Variants in DPM2 observed in about 807,000 individuals in gnomAD.
DPM2 encodes the protein dolichol phosphate-mannose biosynthesis regulatory protein.
In DPM2, 8 loss-of-function variants were observed where a neutral mutation model predicts 12.1. The ratio of observed to expected loss-of-function variants is 0.66; its 90% CI spans 0.39 to 1.19. The LOEUF is 1.19. Ranked by LOEUF, DPM2 falls within the 50% of genes most tolerant of loss-of-function variation. DPM2 has a pLI of 0.01. For missense variants in DPM2, 93 were observed against 102.5 expected, an observed-to-expected ratio of 0.91 and a Z score of 0.40; for synonymous variants, 38 against 44.7, an observed-to-expected ratio of 0.85 and a Z score of 0.60.
intron 3 of DPM2, chr9:127,936,128 C>T: frequency 2.9e-6 from 2 of 699,354 alleles, no homozygotes; most frequent in Non-Finnish European, 4.6e-6. Flanking sequence ...CATCCATCCA[C>T]CCATCATCCA....
intron 3 of DPM2, 54 bp downstream of exon 3, chr9:127,936,499 G>A (rs757028593): frequency 6.2e-7 from 1 of 1,606,756 alleles, no homozygotes; most frequent in Non-Finnish European, 8.5e-7. Context: ...ATGTTCAGAG[G>A]TGGGGTCTTC....
chr9:127,937,401 G>A, intron 2 of DPM2, 33 bp downstream of exon 2: 2 of 1,569,298 alleles, frequency 1.3e-6, no homozygotes, highest in South Asian at 2.3e-5. Flanking sequence ...AGGGCTCGGG[G>A]AAGGTGAGCA....
chr9:127,936,527 G>A (rs1297234933), intron 3 of DPM2, 26 bp downstream of exon 3: 1 of 1,602,464 alleles, frequency 6.2e-7, no homozygotes, highest in South Asian at 1.1e-5. Flanking sequence ...CCTGCCCAGG[G>A]TCAAGGGGAG....
intron 3 of DPM2, 116 bp from the exon 4 acceptor site, chr9:127,935,896 C>T: frequency 1.1e-6 from 1 of 936,998 alleles, no homozygotes; most frequent in Non-Finnish European, 1.7e-6. Flanking sequence ...CCCAACCATC[C>T]TCCAGGGAAC....
chr9:127,935,197 C>T lies in DPM2; in HGVS notation c.*525G>A. The stretch of plus-strand genomic sequence containing the variant: ...GAGGAGAGGTCAGTCGGTCAGCGGC[C>T]CGGGGTGGCTGCCCTGAGCCCCAGG... On this transcript the variant is annotated 3_prime_UTR_variant, in exon 4 of 4. Coordinates refer to ENST00000314392, the MANE Select transcript of DPM2 (RefSeq NM_003863.4). 5.8e-6 allele frequency: 1 copy of T among 171,674 alleles called. No homozygotes were observed. Among genetic ancestry groups the T allele is most frequent in the Non-Finnish European group, 1.2e-5 (1 of 81,064 alleles). 10.6% of individuals were successfully genotyped at this position (171,674 alleles called of 1,614,324 possible). A position where few individuals can be genotyped will look rare whatever the true frequency, so the allele number is the denominator to read the frequency against.
intron 2 of DPM2, chr9:127,936,976 G>T (rs1161469862): frequency 6.0e-6 from 2 of 335,634 alleles, no homozygotes; most frequent in Non-Finnish European, 1.1e-5. Flanking sequence ...CCCAACCTGG[G>T]CCTCCAGGGC....
Position 127,936,582 on chromosome 9 carries a change from G to A in DPM2, c.167C>T (p.Ala56Val), listed in dbSNP as rs763758658. 14 of 1,569,906 alleles carry A rather than the reference G, an allele frequency of 8.9e-6. No homozygotes were observed. The highest frequency in any genetic ancestry group is 1.7e-4 in the Middle Eastern group (1 of 5,878). The change falls in exon 3 of 4, where the codon GCT (alanine) becomes GTT (valine). Residue 56 changes from alanine to valine, a missense_variant. Physicochemically the swap from Ala to Val is moderately conservative, Grantham distance 64. Coordinates refer to ENST00000314392, the MANE Select transcript of DPM2 (RefSeq NM_003863.4). ...AAACAGGAGCAGCAGGAGGCCTGCA[G>A]CCAGTGGGATGGCGACAGCATAGGC... ...PRAYAVAIPL[A>V]AGLLLLLFVG...
At chr9:127,936,448 T>C (rs1352539802) in intron 3 of DPM2, 105 bp downstream of exon 3, 2 of 1,608,810 alleles carry the variant, frequency 1.2e-6, no homozygotes, top group Non-Finnish European at 8.5e-7. Flanking sequence ...CACGGGTGAG[T>C]TCGGGGCAAG....
intron 1 of DPM2, 68 bp from the exon 2 acceptor site, chr9:127,937,591 G>C: frequency 7.2e-7 from 1 of 1,389,080 alleles, no homozygotes; most frequent in Non-Finnish European, 1.0e-6. Flanking sequence ...GAAGCGGGGC[G>C]TCGCGGCCCG....
rs377060098 is a variant in DPM2 at position 127,936,583 on chromosome 9, C to A, written c.166G>T (p.Ala56Ser). The A allele has an allele frequency of 8.9e-6, 14 of 1,566,632 alleles. No homozygotes were observed. Among genetic ancestry groups the A allele is most frequent in the Middle Eastern group, 1.7e-4 (1 of 5,864 alleles). ...AACAGGAGCAGCAGGAGGCCTGCAG[C>A]CAGTGGGATGGCGACAGCATAGGCT... ...PRAYAVAIPL[A>S]AGLLLLLFVG... is the part of the protein sequence containing the mutation. Residue 56 changes from alanine to serine, a missense_variant, in exon 3 of 4, where the codon GCT (alanine) becomes TCT (serine). Ala to Ser is a moderately conservative substitution (Grantham distance 99). Coordinates refer to ENST00000314392, the MANE Select transcript of DPM2 (RefSeq NM_003863.4).
In DPM2 at chr9:127,937,828, C is replaced by G. The variant is rs1162404364; in HGVS notation, c.-8G>C. The stretch of plus-strand genomic sequence containing the variant: ...CGGTGCCAATCTCACCATTTCCCCG[C>G]GCGCTCAGCCACCCGAGCCGCAAGC... On this transcript the variant is annotated 5_prime_UTR_variant, in exon 1 of 4. Coordinates refer to ENST00000314392, the MANE Select transcript of DPM2 (RefSeq NM_003863.4). 2 of 1,601,128 alleles carry G rather than the reference C, an allele frequency of 1.2e-6. No individual in the cohort carries two copies. Among genetic ancestry groups the G allele is most frequent in the Admixed American group, 1.7e-5 (1 of 59,028 alleles).
At chr9:127,937,608 G>T in intron 1 of DPM2, 85 bp from the exon 2 acceptor site, 2 of 1,313,618 alleles carry the variant, frequency 1.5e-6, no homozygotes, top group Non-Finnish European at 2.2e-6. Context: ...CCCGATCACG[G>T]TCTAAGCTTC....
rs1455526472 is a variant in DPM2 at position 127,935,389 on chromosome 9, A to T, written c.*333T>A. On this transcript the variant is annotated 3_prime_UTR_variant, in exon 4 of 4. Coordinates refer to ENST00000314392, the MANE Select transcript of DPM2 (RefSeq NM_003863.4). Reference sequence around the variant, plus strand: ...CTGCTAAGTCCAACGTCAGCATGTGACAGGAGGGGAAGTGAGGCAAGACGG... The same window carrying T: ...CTGCTAAGTCCAACGTCAGCATGTGTCAGGAGGGGAAGTGAGGCAAGACGG... The T allele has an allele frequency of 1.2e-5, 5 of 426,736 alleles. No homozygotes were observed. Among genetic ancestry groups the T allele is most frequent in the Non-Finnish European group, 2.2e-5 (5 of 229,310 alleles). 26.4% of individuals were successfully genotyped at this position (426,736 alleles called of 1,614,324 possible).
At position 127,935,299 on chromosome 9, in the gene DPM2, G is replaced by A; in HGVS notation, c.*423C>T. On this transcript the variant is annotated 3_prime_UTR_variant, in exon 4 of 4. Coordinates refer to ENST00000314392, the MANE Select transcript of DPM2 (RefSeq NM_003863.4). The stretch of plus-strand genomic sequence containing the variant: ...CTTTGTGGGGTCTGGGGCTGTGTCA[G>A]GGTAAGGAAAGCTGCCTTGGTGGAG... 3.6e-6 allele frequency: 1 copy of A among 277,794 alleles called. No homozygotes were observed. The highest frequency in any genetic ancestry group is 7.1e-6 in the Non-Finnish European group (1 of 140,934). 17.2% of individuals were successfully genotyped at this position (277,794 alleles called of 1,614,324 possible). A position where few individuals can be genotyped will look rare whatever the true frequency, so the allele number is the denominator to read the frequency against.
At position 127,937,845 on chromosome 9, in the gene DPM2, G is replaced by A. The variant is rs1243754723; in HGVS notation, c.-25C>T. 6.3e-7 allele frequency: 1 copy of A among 1,592,686 alleles called. No homozygotes were observed. The highest frequency in any genetic ancestry group is 8.5e-7 in the Non-Finnish European group (1 of 1,171,088). The stretch of plus-strand genomic sequence containing the variant: ...TTTCCCCGCGCGCTCAGCCACCCGA[G>A]CCGCAAGCCACATCCGGTTCCGGGT... On this transcript the variant is annotated 5_prime_UTR_variant, in exon 1 of 4. Coordinates refer to ENST00000314392, the MANE Select transcript of DPM2 (RefSeq NM_003863.4).
At chr9:127,935,841 G>A in intron 3 of DPM2, 61 bp from the exon 4 acceptor site, 1 of 1,554,118 alleles carries the variant, frequency 6.4e-7, no homozygotes, top group Non-Finnish European at 8.9e-7. Context: ...TGGGAGGCCA[G>A]GGCATGACAC....
intron 1 of DPM2, 66 bp downstream of exon 1, chr9:127,937,752 C>T (rs1831533146): frequency 2.5e-6 from 4 of 1,598,206 alleles, no homozygotes; most frequent in South Asian, 1.1e-5. Context: ...CATGCCCCAG[C>T]TCCTGAGCAG....
At position 127,935,396 on chromosome 9, in the gene DPM2, G is replaced by T. The variant is rs1380132943; in HGVS notation, c.*326C>A. Reference sequence around the variant, plus strand: ...GTCCAACGTCAGCATGTGACAGGAGGGGAAGTGAGGCAAGACGGCAGAACC... The same window carrying T: ...GTCCAACGTCAGCATGTGACAGGAGTGGAAGTGAGGCAAGACGGCAGAACC... On this transcript the variant is annotated 3_prime_UTR_variant, in exon 4 of 4. Coordinates refer to ENST00000314392, the MANE Select transcript of DPM2 (RefSeq NM_003863.4). 15 of 440,956 alleles carry T rather than the reference G, an allele frequency of 3.4e-5. No individual in the cohort carries two copies. The Admixed American group carries it at 4.0e-4, about 12-fold the overall frequency. The allele number at this position is 440,956 out of a possible 1,614,324, so 27.3% of individuals were successfully genotyped here. A position where few individuals can be genotyped will look rare whatever the true frequency, so the allele number is the denominator to read the frequency against.
Position 127,937,749 on chromosome 9 carries a change from C to G in DPM2, c.3+69G>C. 4 of 1,596,372 alleles carry G rather than the reference C, an allele frequency of 2.5e-6. No homozygotes were observed. In the South Asian group the frequency reaches 4.4e-5, roughly 18 times the overall value. On this transcript the variant is annotated intron_variant, in intron 1 of 3. Coordinates refer to ENST00000314392, the MANE Select transcript of DPM2 (RefSeq NM_003863.4). ...ATCCCCGTTCCAAGTGCCCATGCCC[C>G]AGCTCCTGAGCAGACCCGGGACCCC...
Sources: gnomAD v4.1 joint callset for allele counts on GRCh38, gnomAD v4.1.1 for gene constraint, MANE v1.5 for transcripts, NCBI Gene and HGNC (gene_info 2026-07-23, HGNC 2026-07-21) for gene names.